ZNF69: variants seen among roughly 807,000 people sequenced by gnomAD.
The protein encoded by ZNF69 is zinc finger protein 69.
In ZNF69, 47 loss-of-function variants were observed where a neutral mutation model predicts 50.9. The observed-to-expected ratio is 0.92, with a 90% CI of 0.73 to 1.18. The LOEUF is 1.18. Ranked by LOEUF, ZNF69 falls within the 50% of genes most tolerant of loss-of-function variation. The probability of loss-of-function intolerance (pLI) is 0.00; values close to 1 mark genes in which losing one functional copy is unlikely to be tolerated. For missense variants in ZNF69, 717 were observed against 675.1 expected (o/e 1.06, Z -0.69); for synonymous variants, 216 against 223.1 (o/e 0.97, Z 0.29).
chr19:11,947,700 C>T, the ZNF69 span: 3 of 1,004,176 alleles, frequency 3.0e-6, no homozygotes, highest in Middle Eastern at 2.2e-4. Context: ...AGAATATTTT[C>T]TCAAAAAACA....
chr19:11,932,477 C>G, the ZNF69 span, among the ~76,000 whole-genome samples: 1 of 148,328 alleles, frequency 6.7e-6, no homozygotes, highest in Non-Finnish European at 1.5e-5. Context: ...TACATATGCA[C>G]AAAATACATA....
chr19:11,977,338 C>A, the ZNF69 span: 12 of 1,612,042 alleles, frequency 7.4e-6, no homozygotes, highest in Non-Finnish European at 1.0e-5. Context: ...TTTTATATTG[C>A]TTCAGGACTA....
downstream of ZNF69, among the ~76,000 whole-genome samples, chr19:11,908,898 A>C (rs935536196): frequency 2.6e-5 from 4 of 152,172 alleles, no homozygotes; most frequent in Admixed American, 2.0e-4. Context: ...TTTTTTGAAA[A>C]GATCAACAAA....
intron 1 of ZNF69, among the ~76,000 whole-genome samples, chr19:11,903,336 G>C (rs918571961): frequency 4.6e-5 from 7 of 151,954 alleles, no homozygotes; most frequent in Non-Finnish European, 1.0e-4. Context: ...AGAAGAAGTG[G>C]TAGAACCCCG....
intron 1 of ZNF69, among the ~76,000 whole-genome samples, chr19:11,895,655 A>G (rs1324382250): frequency 6.6e-6 from 1 of 152,206 alleles, no homozygotes; most frequent in African/African-American, 2.4e-5. Flanking sequence ...GAGGTGGAGA[A>G]CTAGAAACTG....
chr19:11,932,283 G>A, the ZNF69 span, among the ~76,000 whole-genome samples: 2 of 147,768 alleles, frequency 1.4e-5, no homozygotes, highest in South Asian at 2.1e-4. Context: ...GTTCAAGGCT[G>A]CAGTGAGCTA....
rs770897060 is a variant in ZNF69, at chr19:11,903,651, C to T, written c.142C>T (p.Leu48Phe). ...WALLDISQRK[L>F]YKEVMLETFR... ...TTTGCTGGATATTTCCCAGAGGAAA[C>T]TCTACAAGGAAGTGATGCTGGAAAC... is the stretch of plus-strand genomic sequence containing the variant. Residue 48 changes from leucine (L) to phenylalanine (F), a missense_variant, in exon 2 of 4, where the codon CTC becomes TTC. Transcript: ENST00000429654. 4 of 1,614,154 alleles carry T rather than the reference C, an allele frequency of 2.5e-6. No individual in the cohort carries two copies. Among genetic ancestry groups the T allele is most frequent in the Non-Finnish European group, 2.5e-6 (3 of 1,180,026 alleles).
the ZNF69 span, chr19:11,949,734 G>T: frequency 6.2e-7 from 1 of 1,613,092 alleles, no homozygotes; most frequent in Non-Finnish European, 8.5e-7. Flanking sequence ...AGCAATGTGG[G>T]AAAGCCTTCA....
At chr19:11,897,959 G>A (rs1972163794) in intron 1 of ZNF69, among the ~76,000 whole-genome samples, 1 of 151,966 alleles carries the variant, frequency 6.6e-6, no homozygotes, top group East Asian at 1.9e-4. Flanking sequence ...TTAGCAGACT[G>A]TTGCTGATAA....
At chr19:11,939,244 G>A in the ZNF69 span, among the ~76,000 whole-genome samples, 1 of 152,142 alleles carries the variant, frequency 6.6e-6, no homozygotes, top group Non-Finnish European at 1.5e-5. Flanking sequence ...GATCCCATTT[G>A]TCAATTTTGG....
chr19:11,925,906 C>G, the ZNF69 span, among the ~76,000 whole-genome samples: 2 of 152,098 alleles, frequency 1.3e-5, no homozygotes, highest in South Asian at 4.1e-4. Context: ...TTATTCATTT[C>G]AGAGAGACAG....
intron 1 of ZNF69, among the ~76,000 whole-genome samples, chr19:11,902,181 C>T (rs1240465462): frequency 1.3e-5 from 2 of 152,012 alleles, no homozygotes; most frequent in Non-Finnish European, 2.9e-5. Context: ...GGCATTTCTC[C>T]ATGCTGGTCA....
intron 1 of ZNF69, among the ~76,000 whole-genome samples, chr19:11,892,451 A>G (rs1222351122): frequency 6.6e-6 from 1 of 152,088 alleles, no homozygotes; most frequent in Non-Finnish European, 1.5e-5. Context: ...AAGTTAGTCT[A>G]CTACAGAGAT....
At chr19:11,918,635 G>A (rs150902136), downstream of ZNF69, among the ~76,000 whole-genome samples, 242 of 151,878 alleles carry the variant, frequency 1.6e-3, 1 homozygote, top group African/African-American at 5.5e-3. Context: ...AAAATTTTTT[G>A]TAGAGACAAG....
the ZNF69 span, among the ~76,000 whole-genome samples, chr19:11,923,953 G>C: frequency 6.6e-6 from 1 of 152,168 alleles, no homozygotes; most frequent in African/African-American, 2.4e-5. Flanking sequence ...CAGCTGCTCA[G>C]AGCAGCTCCA....
chr19:11,949,776 G>A, the ZNF69 span: 18 of 1,613,148 alleles, frequency 1.1e-5, no homozygotes, highest in East Asian at 3.8e-4. Flanking sequence ...TGCATGAAAG[G>A]ACTCACACTG....
At chr19:11,922,572 TG>T in the ZNF69 span, among the ~76,000 whole-genome samples, 1 of 152,104 alleles carries the variant, frequency 6.6e-6, no homozygotes, top group Non-Finnish European at 1.5e-5. Context: ...TTCTGCAGCT[TG>T]GTTTAAGTTT....
the ZNF69 span, among the ~76,000 whole-genome samples, chr19:11,977,942 AC>A: frequency 0.08 from 12,124 of 152,224 alleles, 874 homozygotes; most frequent in African/African-American, 0.19. Flanking sequence ...ATTTTTTTAA[AC>A]AATAGGTATG....
At chr19:11,933,658 G>A in the ZNF69 span, among the ~76,000 whole-genome samples, 2 of 148,026 alleles carry the variant, frequency 1.4e-5, no homozygotes, top group Middle Eastern at 6.8e-3. Context: ...CTTCCTCGAT[G>A]TAAAAATATG....
Sources: allele counts gnomAD v4.1 joint callset (sites outside exome capture counted in the v4.1 genomes callset), GRCh38; gene constraint gnomAD v4.1.1; transcripts MANE v1.5; gene names NCBI Gene and HGNC (gene_info 2026-07-23, HGNC 2026-07-21).